The following MYO9A variants were observed in gnomAD, a reference collection of about 807,000 sequenced individuals.
MYO9A encodes the protein myosin IXA.
MYO9A carries 103 observed loss-of-function variants against 293.3 expected under a neutral mutation model. The ratio of observed to expected loss-of-function variants is 0.35; its 90% CI spans 0.30 to 0.41. MYO9A has a LOEUF of 0.41. MYO9A is among the 10% of genes least tolerant of loss of function. The pLI, the probability that MYO9A is intolerant of heterozygous loss-of-function variation, is 1.00. For missense variants in MYO9A, 2,685 were observed against 3,033.0 expected, an observed-to-expected ratio of 0.89 and a Z score of 2.69; for synonymous variants, 1,001 against 1,035.7, an observed-to-expected ratio of 0.97 and a Z score of 0.64.
intron 26 of MYO9A, among the ~76,000 whole-genome samples, chr15:71,889,068 T>C (rs981073139): frequency 1.3e-5 from 2 of 152,262 alleles, no homozygotes; most frequent in African/African-American, 4.8e-5. Flanking sequence ...TGACAGACTC[T>C]AAGTGGAACA....
At chr15:71,861,688 A>AAAAC (rs1187169360) in intron 33 of MYO9A, among the ~76,000 whole-genome samples, 2,595 of 145,788 alleles carry the variant, frequency 0.018, 82 homozygotes, top group African/African-American at 0.061. Context: ...ATAAAAAAAA[A>AAAAC]AAAAAAAAAA....
intron 1 of MYO9A, among the ~76,000 whole-genome samples, chr15:72,110,941 C>CA (rs1271551634): frequency 6.6e-6 from 1 of 152,118 alleles, no homozygotes; most frequent in African/African-American, 2.4e-5. Flanking sequence ...GGGCGGATCA[C>CA]AAGGTCAGGA....
intron 15 of MYO9A, among the ~76,000 whole-genome samples, chr15:71,945,832 C>A (rs574179122): frequency 4.3e-4 from 65 of 152,284 alleles, no homozygotes; most frequent in African/African-American, 1.3e-3. Context: ...AGTATTCAAT[C>A]TTTCACTAAT....
chr15:71,967,559 A>G (rs1351102415), intron 13 of MYO9A, among the ~76,000 whole-genome samples: 2 of 152,222 alleles, frequency 1.3e-5, no homozygotes, highest in African/African-American at 4.8e-5. Context: ...GGACAACATT[A>G]TTAAGATTCC....
At chr15:71,835,914 GA>G (rs1412397506) in intron 39 of MYO9A, among the ~76,000 whole-genome samples, 3 of 152,034 alleles carry the variant, frequency 2.0e-5, no homozygotes, top group African/African-American at 7.2e-5. Flanking sequence ...AGAGCACCTA[GA>G]AACAGACCCA....
intron 26 of MYO9A, 132 bp from the exon 27 acceptor site, chr15:71,888,248 T>C (rs574766538): frequency 3.4e-5 from 17 of 496,714 alleles, no homozygotes; most frequent in Non-Finnish European, 4.6e-5. Flanking sequence ...CAGAGATTCA[T>C]TGAAATAATA....
chr15:71,871,698 AAAAG>A (rs1232028832), intron 32 of MYO9A, among the ~76,000 whole-genome samples: 8 of 151,654 alleles, frequency 5.3e-5, no homozygotes, highest in South Asian at 4.2e-4. Context: ...AGAAAAAAAA[AAAAG>A]AAAGAAAGAA....
intron 19 of MYO9A, among the ~76,000 whole-genome samples, chr15:71,907,056 T>C (rs34514871): frequency 0.2 from 29,830 of 148,808 alleles, 3,299 homozygotes; most frequent in East Asian, 0.41. Context: ...ACTCGTCATC[T>C]AGCATTAGGT....
chr15:71,928,454 A>G (rs2058387434), intron 18 of MYO9A, among the ~76,000 whole-genome samples: 2 of 151,856 alleles, frequency 1.3e-5, no homozygotes, highest in African/African-American at 4.8e-5. Flanking sequence ...TATGAATTTC[A>G]GGATTTTTTT....
At chr15:72,032,724 G>A in intron 2 of MYO9A, 136 bp from the exon 3 acceptor site, 1 of 483,154 alleles carries the variant, frequency 2.1e-6, no homozygotes, top group South Asian at 5.6e-5. Flanking sequence ...TTGCTTGTAT[G>A]TTCAGACTCA....
chr15:71,965,727 AG>A (rs1422520883), intron 13 of MYO9A, among the ~76,000 whole-genome samples: 1 of 152,234 alleles, frequency 6.6e-6, no homozygotes, highest in Non-Finnish European at 1.5e-5. Flanking sequence ...AAAAGAGCGA[AG>A]CGAGACTCCG....
chr15:72,039,546 T>G (rs1051631633), intron 2 of MYO9A, among the ~76,000 whole-genome samples: 1 of 151,994 alleles, frequency 6.6e-6, no homozygotes, highest in Non-Finnish European at 1.5e-5. Context: ...AAAGAAGAAA[T>G]CAGGCCAGGC....
intron 39 of MYO9A, 57 bp downstream of exon 39, chr15:71,848,788 C>A: frequency 6.5e-7 from 1 of 1,550,058 alleles, no homozygotes; most frequent in Non-Finnish European, 8.7e-7. Flanking sequence ...CACAAAAGCA[C>A]ATTTAAATTC....
intron 12 of MYO9A, chr15:71,972,218 T>G (rs931492159): frequency 2.0e-5 from 3 of 152,192 alleles, no homozygotes; most frequent in Non-Finnish European, 4.4e-5. Context: ...AGCTTCCAGA[T>G]AGCCGAACAT....
chr15:71,882,985 TG>T (rs2056918108), intron 28 of MYO9A, among the ~76,000 whole-genome samples: 2 of 151,968 alleles, frequency 1.3e-5, no homozygotes, highest in South Asian at 4.2e-4. Flanking sequence ...TTATATTTTT[TG>T]TAGAGATGGG....
At chr15:72,036,868 C>T (rs1178329774) in intron 2 of MYO9A, among the ~76,000 whole-genome samples, 1 of 151,922 alleles carries the variant, frequency 6.6e-6, no homozygotes, top group Non-Finnish European at 1.5e-5. Context: ...CACAGCCATG[C>T]ACCACCACAC....
intron 1 of MYO9A, among the ~76,000 whole-genome samples, chr15:72,056,445 T>G (rs958692520): frequency 1.3e-5 from 2 of 152,190 alleles, no homozygotes; most frequent in Admixed American, 6.5e-5. Context: ...CACAGTGACC[T>G]GGATGGAACT....
intron 40 of MYO9A, among the ~76,000 whole-genome samples, chr15:71,829,844 G>GTCC (rs1020667246): frequency 2.6e-5 from 4 of 151,988 alleles, no homozygotes; most frequent in African/African-American, 9.7e-5. Context: ...TGGATACTGT[G>GTCC]TCCTCCTCCC....
chr15:71,951,712 G>A, intron 15 of MYO9A, 65 bp downstream of exon 15: 6 of 1,601,568 alleles, frequency 3.7e-6, no homozygotes, highest in Non-Finnish European at 5.1e-6. Flanking sequence ...CCTGGTGTAG[G>A]ATGCTCCTGG....
Sources: allele counts gnomAD v4.1 joint callset (sites outside exome capture counted in the v4.1 genomes callset), GRCh38; gene constraint gnomAD v4.1.1; transcripts MANE v1.5; gene names NCBI Gene and HGNC (gene_info 2026-07-23, HGNC 2026-07-21).